The following ZNF582 variants were observed in gnomAD, a reference collection of about 807,000 sequenced individuals.
The protein encoded by ZNF582 is zinc finger protein 582.
In ZNF582, 14 loss-of-function variants were observed where a neutral mutation model predicts 12.3. The ratio of observed to expected loss-of-function variants is 1.14; its 90% confidence interval spans 0.75 to 1.78. The LOEUF is 1.78. ZNF582 is among the 40% of genes most tolerant of loss of function. The probability of loss-of-function intolerance (pLI) is 0.00; values close to 1 mark genes in which losing one functional copy is unlikely to be tolerated. For missense variants in ZNF582, 567 were observed against 616.5 expected (o/e 0.92, Z 0.85); for synonymous variants, 210 against 207.2 (o/e 1.01, Z -0.11).
exon 5 of ZNF582, chr19:56,382,923 T>C (rs959746182): frequency 3.9e-5 from 6 of 152,158 alleles, no homozygotes; most frequent in Non-Finnish European, 8.8e-5. Context: ...CATGTTCTTA[T>C]ATAAAAATGT....
chr19:56,385,114 T>C (rs371543023), exon 5 of ZNF582: 61 of 1,613,550 alleles, frequency 3.8e-5, no homozygotes, highest in South Asian at 1.4e-4. Flanking sequence ...TTATCTCCCA[T>C]TGGGGTGATT....
intron 3 of ZNF582, 43 bp downstream of exon 3, chr19:56,390,322 GGAAGGAACAT>G: frequency 1.9e-6 from 3 of 1,611,730 alleles, no homozygotes; most frequent in Non-Finnish European, 2.5e-6. Context: ...AAACTGACCA[GGAAGGAACAT>G]GCCCAAGGAT....
At position 56,393,207 on chromosome 19, in the gene ZNF582, C is replaced by A. The variant is rs1371863158; in HGVS notation, c.-81+13G>T. ...CCGCAATTTCAGGGGGTCGGAGACC[C>A]CTGCGCACCCACCTAAGGGGTCCAT... is the stretch of plus-strand genomic sequence containing the variant. On this transcript the variant is annotated intron_variant, in intron 1 of 4. Transcript: ENST00000586929. 1 of 1,263,708 alleles carries A rather than the reference C, an allele frequency of 7.9e-7. No individual in the cohort carries two copies. Among genetic ancestry groups the A allele is most frequent in the Admixed American group, 2.9e-5 (1 of 35,022 alleles). The allele number at this position is 1,263,708 out of a possible 1,614,324, so 78.3% of individuals were successfully genotyped here. A position where few individuals can be genotyped will look rare whatever the true frequency, so the allele number is the denominator to read the frequency against.
Position 56,391,636 on chromosome 19 carries a change from C to CA in ZNF582, c.9+107_9+108insT, listed in dbSNP as rs1196125189. On this transcript the variant is annotated intron_variant, in intron 2 of 4. Coordinates refer to ENST00000586929, the Ensembl canonical transcript of ZNF582. ...TGGGAGAGGAGACTCCTGCCTGGTC[C>CA]TTTTATTCCCTAAAATGGGAAAGTC... The CA allele has an allele frequency of 4.2e-6, 4 of 962,652 alleles. No homozygotes were observed. In the African/African-American group the frequency reaches 6.5e-5, roughly 16 times the overall value. 59.6% of individuals were successfully genotyped at this position (962,652 alleles called of 1,614,324 possible). A position where few individuals can be genotyped will look rare whatever the true frequency, so the allele number is the denominator to read the frequency against.
exon 5 of ZNF582, chr19:56,384,845 C>G (rs1272314233): frequency 6.2e-7 from 1 of 1,606,994 alleles, no homozygotes. Context: ...AGTATAAATT[C>G]CTTGATGATT....
chr19:56,390,215 A>C lies in ZNF582; in HGVS notation c.137-119T>G. On this transcript the variant is annotated intron_variant, in intron 3 of 4. Coordinates refer to ENST00000586929, the Ensembl canonical transcript of ZNF582. ...AGGAAGTGCCAGAGGAAGATGGGAC[A>C]GTTGCCTGGGGGTAGGGGGATGCAG... The C allele has an allele frequency of 2.2e-6, 3 of 1,344,980 alleles. No homozygotes were observed. In the South Asian group the frequency reaches 3.8e-5, roughly 17 times the overall value. The allele number at this position is 1,344,980 out of a possible 1,614,324, so 83.3% of individuals were successfully genotyped here.
rs1413651341 is a variant in ZNF582, at chr19:56,393,387, G to A, written c.-248C>T. 5.9e-6 allele frequency: 4 copies of A among 678,204 alleles called. No homozygotes were observed. In the Admixed American group the frequency reaches 6.8e-5, roughly 11 times the overall value. 42.0% of individuals were successfully genotyped at this position (678,204 alleles called of 1,614,324 possible). ...CTCAGGCCTGAGACCCAACCGGCCC[G>A]GGCACCAGCTCCTGCTGGACCCCAG... On this transcript the variant is annotated 5_prime_UTR_variant, in exon 1 of 5. Transcript: ENST00000586929.
At chr19:56,383,282 G>GT (rs2041933346) in exon 5 of ZNF582, 1 of 152,228 alleles carries the variant, frequency 6.6e-6, no homozygotes, top group South Asian at 2.1e-4. Context: ...TGAGATTATT[G>GT]TAAGATGGTC....
chr19:56,390,424 A>C (rs371082935), exon 3 of ZNF582: 142 of 1,613,982 alleles, frequency 8.8e-5, no homozygotes, highest in Non-Finnish European at 1.1e-4. Context: ...CTCTGTACAA[A>C]TCCCTCTGAG....
At chr19:56,383,994 T>C (rs1467279776) in exon 5 of ZNF582, 3 of 1,613,966 alleles carry the variant, frequency 1.9e-6, no homozygotes, top group Non-Finnish European at 2.5e-6. Context: ...TGTGTTTCTC[T>C]ATTATGCATT....
intron 1 of ZNF582, among the ~76,000 whole-genome samples, chr19:56,392,608 T>C (rs1015682962): frequency 2.0e-5 from 3 of 152,150 alleles, no homozygotes; most frequent in Admixed American, 2.0e-4. Flanking sequence ...CAAGTGACTA[T>C]CAAAAATGAC....
intron 4 of ZNF582, among the ~76,000 whole-genome samples, chr19:56,389,092 A>G (rs762345007): frequency 6.6e-6 from 1 of 152,338 alleles, no homozygotes; most frequent in East Asian, 1.9e-4. Context: ...TTATCCTTGA[A>G]GAGGCCATTG....
intron 4 of ZNF582, among the ~76,000 whole-genome samples, chr19:56,389,530 G>C (rs2041998035): frequency 6.6e-6 from 1 of 152,094 alleles, no homozygotes. Flanking sequence ...GAGAATGGAA[G>C]GTTGGGCGGA....
In ZNF582 at chr19:56,393,412, G is replaced by C. The variant is rs754554304; in HGVS notation, c.-273C>G. ...GGGCACCAGCTCCTGCTGGACCCCA[G>C]AGCGCCTGGAAAGCTCCGGAACCTC... On this transcript the variant is annotated 5_prime_UTR_variant, in exon 1 of 5. Coordinates refer to ENST00000586929, the Ensembl canonical transcript of ZNF582. The C allele has an allele frequency of 6.8e-6, 4 of 591,286 alleles. No homozygotes were observed. The East Asian group carries it at 2.4e-4, about 35-fold the overall frequency. 36.6% of individuals were successfully genotyped at this position (591,286 alleles called of 1,614,324 possible).
exon 1 of ZNF582, chr19:56,393,296 G>A (rs1170563110): frequency 1.6e-6 from 2 of 1,234,124 alleles, no homozygotes; most frequent in Non-Finnish European, 2.1e-6. Context: ...GCGAGGGCCG[G>A]CGGGAAATGT....
chr19:56,384,992 A>G (rs188453850), exon 5 of ZNF582: 25 of 1,614,162 alleles, frequency 1.5e-5, no homozygotes, highest in Non-Finnish European at 1.9e-5. Context: ...TCTGATGATC[A>G]TCTGATGGAA....
chr19:56,389,853 ATGC>A (rs1185492894), intron 4 of ZNF582, 145 bp downstream of exon 4: 1 of 600,930 alleles, frequency 1.7e-6, no homozygotes, highest in Non-Finnish European at 2.9e-6. Flanking sequence ...CCTTTGTCAA[ATGC>A]TGCTGACGAG....
chr19:56,383,213 G>A (rs1237906803), exon 5 of ZNF582: 1 of 152,176 alleles, frequency 6.6e-6, no homozygotes, highest in African/African-American at 2.4e-5. Context: ...TAACAATGTG[G>A]AAATTAAGAA....
chr19:56,386,798 T>A (rs1184159397), intron 4 of ZNF582: 1 of 152,286 alleles, frequency 6.6e-6, no homozygotes, highest in Non-Finnish European at 1.5e-5. Flanking sequence ...TCCGCCTGCC[T>A]TGGCCTCCCA....
Sources: allele counts gnomAD v4.1 joint callset (sites outside exome capture counted in the v4.1 genomes callset), GRCh38; gene constraint gnomAD v4.1.1; transcripts MANE v1.5; gene names NCBI Gene and HGNC (gene_info 2026-07-23, HGNC 2026-07-21).